Variants in SMYD3 observed in about 807,000 individuals in gnomAD.
SMYD3 encodes SET and MYND domain containing 3.
SMYD3 carries 36 observed loss-of-function variants against 57.7 expected under a neutral mutation model. The observed-to-expected ratio is 0.62, with a 90% confidence interval of 0.48 to 0.82. SMYD3 has a LOEUF of 0.82. Ranked by LOEUF, SMYD3 falls within the 40% of genes least tolerant of loss-of-function variation. The probability of loss-of-function intolerance (pLI) is 0.00; values close to 1 mark genes in which losing one functional copy is unlikely to be tolerated. For synonymous variants in SMYD3, 211 were observed against 195.0 expected, an observed-to-expected ratio of 1.08 and a Z score of -0.68; for missense variants, 515 against 538.8, an observed-to-expected ratio of 0.96 and a Z score of 0.44.
At chr1:245,956,637 C>T (rs1420417856) in intron 5 of SMYD3, among the ~76,000 whole-genome samples, 1 of 152,206 alleles carries the variant, frequency 6.6e-6, no homozygotes, top group Non-Finnish European at 1.5e-5. Context: ...CTCTCCCTGT[C>T]TTTGTCTCCC....
At chr1:245,960,718 A>T (rs2057979108) in intron 5 of SMYD3, among the ~76,000 whole-genome samples, 1 of 137,250 alleles carries the variant, frequency 7.3e-6, no homozygotes, top group Non-Finnish European at 1.5e-5. Context: ...CAGAAACCAG[A>T]CTCTGTCTCT....
At chr1:245,857,725 G>A (rs1389664233) in intron 10 of SMYD3, among the ~76,000 whole-genome samples, 1 of 152,046 alleles carries the variant, frequency 6.6e-6, no homozygotes, top group East Asian at 1.9e-4. Context: ...ACATGTCTCC[G>A]TGCCCTTCCC....
intron 1 of SMYD3, among the ~76,000 whole-genome samples, chr1:246,472,434 T>C (rs942325850): frequency 3.3e-4 from 50 of 152,192 alleles, no homozygotes; most frequent in Non-Finnish European, 5.4e-4. Context: ...CAAAGCAATA[T>C]ATACCATATG....
chr1:246,493,711 G>A (rs1316137595), intron 1 of SMYD3, among the ~76,000 whole-genome samples: 1 of 150,186 alleles, frequency 6.7e-6, no homozygotes, highest in Non-Finnish European at 1.5e-5. Context: ...GAGCACTACT[G>A]TCACCACTAT....
intron 5 of SMYD3, among the ~76,000 whole-genome samples, chr1:246,018,782 T>A (rs80046268): frequency 0.048 from 7,318 of 151,232 alleles, 211 homozygotes; most frequent in Non-Finnish European, 0.063. Context: ...TTTTTTTTTT[T>A]CCTGTAGAGA....
At chr1:246,186,847 C>G in intron 5 of SMYD3, 1 of 985,494 alleles carries the variant, frequency 1.0e-6, no homozygotes, top group East Asian at 1.1e-4. Context: ...TCACACTCTC[C>G]CCACATCACA....
intron 1 of SMYD3, among the ~76,000 whole-genome samples, chr1:246,453,547 T>A (rs1387471893): frequency 1.3e-5 from 2 of 152,160 alleles, no homozygotes; most frequent in East Asian, 1.9e-4. Flanking sequence ...CCTATTTGAA[T>A]AAAAAATTAC....
intron 1 of SMYD3, among the ~76,000 whole-genome samples, chr1:246,401,727 CTTT>C (rs11320119): frequency 1.3e-4 from 17 of 132,180 alleles, no homozygotes; most frequent in Non-Finnish European, 1.8e-4. Context: ...AATTCAGGTG[CTTT>C]TTTTTTTTTT....
At chr1:246,110,221 G>A (rs1212129854) in intron 5 of SMYD3, among the ~76,000 whole-genome samples, 3 of 152,156 alleles carry the variant, frequency 2.0e-5, no homozygotes, top group African/African-American at 7.2e-5. Flanking sequence ...TCTTGGCTCA[G>A]CGTCTAACTA....
intron 6 of SMYD3, among the ~76,000 whole-genome samples, 186 bp downstream of exon 6, chr1:245,929,684 T>C (rs1400245221): frequency 6.6e-6 from 1 of 152,238 alleles, no homozygotes; most frequent in Non-Finnish European, 1.5e-5. Context: ...CAGCATATAA[T>C]GTGGGGTTAT....
chr1:245,849,490 T>C (rs1200010082), intron 10 of SMYD3, among the ~76,000 whole-genome samples: 4 of 152,174 alleles, frequency 2.6e-5, no homozygotes, highest in African/African-American at 9.6e-5. Flanking sequence ...GGGAGTCAGG[T>C]GGCACTGCCA....
chr1:245,998,661 TA>T (rs2058978009), intron 5 of SMYD3, among the ~76,000 whole-genome samples: 3 of 152,154 alleles, frequency 2.0e-5, no homozygotes, highest in African/African-American at 7.2e-5. Flanking sequence ...CTTCTCGGTA[TA>T]TGCCCAAAGC....
intron 10 of SMYD3, among the ~76,000 whole-genome samples, chr1:245,789,310 G>T (rs2047172867): frequency 6.6e-6 from 1 of 152,168 alleles, no homozygotes; most frequent in African/African-American, 2.4e-5. Context: ...TTGCACAGAG[G>T]AACAGGGCCC....
intron 8 of SMYD3, among the ~76,000 whole-genome samples, chr1:245,873,443 A>G (rs1186467683): frequency 6.6e-6 from 1 of 152,152 alleles, no homozygotes; most frequent in African/African-American, 2.4e-5. Context: ...GAGGTTTGAG[A>G]TTCTGGGAAA....
At chr1:245,757,569 G>A (rs148217418) in intron 11 of SMYD3, among the ~76,000 whole-genome samples, 204 of 152,162 alleles carry the variant, frequency 1.3e-3, no homozygotes, top group African/African-American at 4.7e-3. Flanking sequence ...TTGCTCATAT[G>A]TTTAGGTCTT....
At chr1:245,849,302 T>A (rs540213987) in intron 10 of SMYD3, among the ~76,000 whole-genome samples, 1 of 152,198 alleles carries the variant, frequency 6.6e-6, no homozygotes, top group Non-Finnish European at 1.5e-5. Context: ...AAAGAGGGGA[T>A]TGGATTATCA....
intron 5 of SMYD3, among the ~76,000 whole-genome samples, chr1:246,098,152 G>T (rs556677288): frequency 1.3e-5 from 2 of 152,062 alleles, no homozygotes; most frequent in Non-Finnish European, 2.9e-5. Flanking sequence ...ATCTATACCC[G>T]CACCCAAAAA....
intron 5 of SMYD3, among the ~76,000 whole-genome samples, chr1:245,934,995 T>C (rs1425661996): frequency 2.0e-5 from 3 of 152,186 alleles, no homozygotes; most frequent in East Asian, 3.9e-4. Context: ...GCAAACCTAA[T>C]GGACCCCTGA....
intron 5 of SMYD3, among the ~76,000 whole-genome samples, chr1:246,019,032 T>G (rs1396759804): frequency 6.6e-6 from 1 of 152,174 alleles, no homozygotes; most frequent in African/African-American, 2.4e-5. Flanking sequence ...AAATTGTATT[T>G]TGTTGATTTA....
Sources: gnomAD v4.1 joint callset for allele counts (sites outside exome capture counted in the v4.1 genomes callset) on GRCh38, gnomAD v4.1.1 for gene constraint, MANE v1.5 for transcripts, NCBI Gene and HGNC (gene_info 2026-07-23, HGNC 2026-07-21) for gene names.